Variants in DIXDC1 observed in about 807,000 individuals in gnomAD.
The protein encoded by DIXDC1 is dixin.
In DIXDC1, 64 loss-of-function variants were observed where a neutral mutation model predicts 103.1. The observed-to-expected ratio is 0.62, with a 90% confidence interval of 0.51 to 0.76. The LOEUF (loss-of-function observed/expected upper bound fraction) is 0.76, where lower values mean the gene tolerates loss of function less well. Ranked by LOEUF, DIXDC1 falls within the 30% of genes least tolerant of loss-of-function variation. The pLI, the probability that DIXDC1 is intolerant of heterozygous loss-of-function variation, is 0.00. For synonymous variants in DIXDC1, 266 were observed against 298.5 expected (o/e 0.89, Z 1.12); for missense variants, 759 against 834.2 (o/e 0.91, Z 1.11).
intron 17 of DIXDC1, among the ~76,000 whole-genome samples, chr11:111,999,844 A>G (rs1861012326): frequency 6.6e-6 from 1 of 151,016 alleles, no homozygotes; most frequent in East Asian, 2.0e-4. Flanking sequence ...GTGAAACTCC[A>G]TCTCAAAAAA....
At chr11:111,987,707 C>T (rs2846621) in intron 9 of DIXDC1, among the ~76,000 whole-genome samples, 5 of 150,236 alleles carry the variant, frequency 3.3e-5, no homozygotes, top group South Asian at 2.1e-4. Context: ...TCACCCAGGC[C>T]GGAGTGCAAT....
chr11:112,000,365 A>G (rs2137601177), intron 17 of DIXDC1, among the ~76,000 whole-genome samples: 1 of 152,230 alleles, frequency 6.6e-6, no homozygotes, highest in South Asian at 2.1e-4. Context: ...CCAAGAGAAA[A>G]TAGGCAAAAT....
intron 1 of DIXDC1, among the ~76,000 whole-genome samples, chr11:111,959,577 G>A (rs1042444753): frequency 3.3e-5 from 5 of 152,240 alleles, no homozygotes; most frequent in Non-Finnish European, 7.3e-5. Flanking sequence ...CCGGCAGTGC[G>A]AGCTTGCCAG....
intron 17 of DIXDC1, among the ~76,000 whole-genome samples, chr11:112,014,537 G>C (rs1555177524): frequency 6.6e-6 from 1 of 151,884 alleles, no homozygotes; most frequent in African/African-American, 2.4e-5. Context: ...TCCAACCATG[G>C]GCCCTTCCTG....
intron 3 of DIXDC1, among the ~76,000 whole-genome samples, chr11:111,971,025 G>C (rs1452320267): frequency 6.6e-6 from 1 of 152,138 alleles, no homozygotes; most frequent in Admixed American, 6.6e-5. Context: ...AAAAATCCTA[G>C]AAGAAAACCT....
intron 17 of DIXDC1, among the ~76,000 whole-genome samples, chr11:112,011,551 C>G (rs1555177204): frequency 6.6e-6 from 1 of 152,158 alleles, no homozygotes; most frequent in Admixed American, 6.5e-5. Context: ...TTGGAACCAA[C>G]CCAAATGTCC....
intron 7 of DIXDC1, 38 bp from the exon 8 acceptor site, chr11:111,985,194 G>T: frequency 6.5e-7 from 1 of 1,529,232 alleles, no homozygotes; most frequent in Non-Finnish European, 9.0e-7. Context: ...GTCATCTGAA[G>T]GAGAGTTAAG....
At chr11:112,016,893 G>T in intron 18 of DIXDC1, 97 bp downstream of exon 18, 1 of 1,040,552 alleles carries the variant, frequency 9.6e-7, no homozygotes. Flanking sequence ...AGGTGTTTGA[G>T]AAGCAGTATA....
chr11:112,004,368 A>G (rs781880137), intron 17 of DIXDC1, among the ~76,000 whole-genome samples: 8 of 152,166 alleles, frequency 5.3e-5, no homozygotes, highest in Non-Finnish European at 7.3e-5. Context: ...GTGGAAGCGA[A>G]GTAAATCCTG....
At chr11:111,941,941 G>T (rs1966435397) in intron 1 of DIXDC1, among the ~76,000 whole-genome samples, 1 of 151,968 alleles carries the variant, frequency 6.6e-6, no homozygotes, top group Admixed American at 6.6e-5. Context: ...AAGAAGATTG[G>T]AAAGTGAAAC....
rs369420561 is a variant in DIXDC1, at chr11:111,993,387, T to TC, written c.1273-109_1273-108insC. 142 of 1,185,394 alleles carry TC rather than the reference T, an allele frequency of 1.2e-4. 1 individual carries two copies. The African/African-American group carries it at 2.0e-3, about 17-fold the overall frequency. 73.4% of individuals were successfully genotyped at this position (1,185,394 alleles called of 1,614,324 possible). A position where few individuals can be genotyped will look rare whatever the true frequency, so the allele number is the denominator to read the frequency against. Reference sequence around the variant, plus strand: ...TTCCTGGTATATTTGAGGAAAGGACTTTTTTTCCTGAGGCTCTACTTTACT... The same window carrying TC: ...TTCCTGGTATATTTGAGGAAAGGACTCTTTTTTCCTGAGGCTCTACTTTACT... On this transcript the variant is annotated intron_variant, in intron 12 of 19. Transcript: ENST00000440460.
chr11:111,929,221 A>G (rs1422995360), intron 1 of DIXDC1, among the ~76,000 whole-genome samples: 3 of 152,210 alleles, frequency 2.0e-5, no homozygotes, highest in African/African-American at 4.8e-5. Flanking sequence ...CTCTGGGTTA[A>G]AACTCAGTTT....
Position 111,985,258 on chromosome 11 carries a change from T to A in DIXDC1, c.945T>A (p.Pro315=). ...LQALLLNGSL[P]EDEQERPLAL... ...CCTTACTGCTCAATGGATCCTTACCTGAAGATGAACAGGAGAGGCCCTTGG... is the reference window on the plus strand; with the variant it reads ...CCTTACTGCTCAATGGATCCTTACCAGAAGATGAACAGGAGAGGCCCTTGG... The change falls in exon 8 of 20, where the codon CCT becomes CCA. Residue 315 remains proline (P), a synonymous_variant. Transcript: ENST00000440460. 1 of 1,613,706 alleles carries A rather than the reference T, an allele frequency of 6.2e-7. No individual in the cohort carries two copies.
intron 10 of DIXDC1, among the ~76,000 whole-genome samples, chr11:111,991,768 C>T (rs1312789734): frequency 1.3e-5 from 2 of 152,158 alleles, no homozygotes; most frequent in Non-Finnish European, 2.9e-5. Flanking sequence ...CAGTTATGCT[C>T]AGTGGAAATA....
At chr11:112,005,714 C>T (rs1057393572) in intron 17 of DIXDC1, among the ~76,000 whole-genome samples, 18 of 152,008 alleles carry the variant, frequency 1.2e-4, no homozygotes, top group African/African-American at 2.9e-4. Context: ...TGTCCTCTCC[C>T]GTCCCCCCCT....
Position 111,977,060 on chromosome 11 carries a change from C to G in DIXDC1, c.656+2077C>G, listed in dbSNP as rs1860122322. 6.0e-6 allele frequency: 1 copy of G among 165,868 alleles called. No individual in the cohort carries two copies. The highest frequency in any genetic ancestry group is 2.4e-5 in the African/African-American group (1 of 41,648). The allele number at this position is 165,868 out of a possible 1,614,324, so 10.3% of individuals were successfully genotyped here. On this transcript the variant is annotated intron_variant, in intron 5 of 19. Transcript: ENST00000440460. This position sits in a 1 kb window ranked among gnomAD's most constrained non-coding sequence, Gnocchi z 6.1. ...GCACTCAGACCACTAGAGCCCTCCT[C>G]GTGATTCTGCCGATACGCGGCTCTT...
chr11:112,006,864 A>G (rs1861254474), intron 17 of DIXDC1, among the ~76,000 whole-genome samples: 1 of 152,248 alleles, frequency 6.6e-6, no homozygotes, highest in Non-Finnish European at 1.5e-5. Context: ...ACCAGAGCAG[A>G]AAAGCTGAAG....
At chr11:111,936,612 G>A (rs1421968502), upstream of DIXDC1, among the ~76,000 whole-genome samples, 2 of 152,314 alleles carry the variant, frequency 1.3e-5, no homozygotes, top group South Asian at 4.1e-4. Context: ...TATTGAATGT[G>A]TTCTGATACC....
chr11:111,938,858 C>T (rs1372462889), intron 1 of DIXDC1, among the ~76,000 whole-genome samples: 1 of 152,196 alleles, frequency 6.6e-6, no homozygotes, highest in Non-Finnish European at 1.5e-5. Flanking sequence ...CACTGAAGGG[C>T]GGAGCTTGCA....
Sources: gnomAD v4.1 joint callset for allele counts (sites outside exome capture counted in the v4.1 genomes callset) on GRCh38, gnomAD v4.1.1 for gene constraint, Gnocchi (gnomAD v3.1) non-coding constraint, MANE v1.5 for transcripts, NCBI Gene and HGNC (gene_info 2026-07-23, HGNC 2026-07-21) for gene names.